The following CSF2RA variants were observed in gnomAD, a reference collection of about 807,000 sequenced individuals.
CSF2RA encodes granulocyte-macrophage colony-stimulating factor receptor subunit alpha.
CSF2RA carries 42 observed loss-of-function variants against 51.6 expected under a neutral mutation model. The ratio of observed to expected loss-of-function variants is 0.81; its 90% CI spans 0.64 to 1.05. The LOEUF is 1.05. CSF2RA is among the 50% of genes least tolerant of loss of function. CSF2RA has a pLI of 0.00. For missense variants in CSF2RA, 530 were observed against 501.1 expected (o/e 1.06, Z -0.55); for synonymous variants, 222 against 193.0 (o/e 1.15, Z -1.24).
At chrX:1,314,377 CTCTG>C (rs1477728133), downstream of CSF2RA, among the ~76,000 whole-genome samples, 8 of 148,622 alleles carry the variant, frequency 5.4e-5, no homozygotes, top group South Asian at 2.1e-4. Context: ...TGCCCAACCA[CTCTG>C]TGCCTGCCCA....
At chrX:1,318,052 G>C in the CSF2RA span, among the ~76,000 whole-genome samples, 11 of 151,332 alleles carry the variant, frequency 7.3e-5, no homozygotes, top group East Asian at 2.1e-3. Context: ...GCAGTGGAGC[G>C]ATCTCGGCTC....
At chrX:1,277,452 C>T (rs1302679574) in intron 2 of CSF2RA, among the ~76,000 whole-genome samples, 41 of 147,884 alleles carry the variant, frequency 2.8e-4, no homozygotes, top group African/African-American at 1.0e-3. Flanking sequence ...AAAAATTAGC[C>T]AGGTGTGGTG....
chrX:1,311,002 C>G (rs2084155549), downstream of CSF2RA, among the ~76,000 whole-genome samples: 3 of 151,752 alleles, frequency 2.0e-5, no homozygotes, highest in Admixed American at 2.0e-4. Context: ...AATCCTAGCA[C>G]TTTGGGAGGC....
the CSF2RA span, among the ~76,000 whole-genome samples, chrX:1,323,176 A>G: frequency 6.6e-6 from 1 of 151,790 alleles, no homozygotes; most frequent in Non-Finnish European, 1.5e-5. Context: ...AAAATAAAAT[A>G]AAATAAAATA....
chrX:1,318,791 C>A, the CSF2RA span, among the ~76,000 whole-genome samples: 2 of 149,970 alleles, frequency 1.3e-5, no homozygotes, highest in Non-Finnish European at 3.0e-5. Flanking sequence ...GTGGCGGGCA[C>A]CTGTAATCCC....
intron 2 of CSF2RA, among the ~76,000 whole-genome samples, chrX:1,278,908 C>T (rs1361937554): frequency 2.7e-5 from 4 of 149,352 alleles, no homozygotes; most frequent in Non-Finnish European, 5.9e-5. Context: ...CGTGTTGGTG[C>T]GTGCCTGTAG....
At chrX:1,285,183 G>C (rs1312914961) in intron 3 of CSF2RA, among the ~76,000 whole-genome samples, 2 of 152,112 alleles carry the variant, frequency 1.3e-5, no homozygotes, top group African/African-American at 4.8e-5. Flanking sequence ...TTAGAGGCGT[G>C]AGCCACCACC....
intron 9 of CSF2RA, among the ~76,000 whole-genome samples, chrX:1,296,881 T>A (rs2091995124): frequency 2.1e-5 from 1 of 47,224 alleles, no homozygotes; most frequent in South Asian, 1.0e-3. Flanking sequence ...AGTCCCCTAC[T>A]CACGACCCCT....
chrX:1,302,056 A>G (rs1463690763), intron 10 of CSF2RA, among the ~76,000 whole-genome samples: 2 of 151,196 alleles, frequency 1.3e-5, no homozygotes, highest in Non-Finnish European at 2.9e-5. Context: ...AGCTGGGATT[A>G]CAGGCGCCCG....
intron 2 of CSF2RA, chrX:1,281,854 T>C (rs1326459989): frequency 2.0e-5 from 3 of 147,674 alleles, no homozygotes; most frequent in Non-Finnish European, 4.5e-5. Context: ...TTTTTTTTTT[T>C]CACTTTCCTT....
downstream of CSF2RA, among the ~76,000 whole-genome samples, chrX:1,314,962 ACCCCAC>A (rs1569515153): frequency 3.7e-5 from 4 of 108,426 alleles, 1 homozygote; most frequent in African/African-American, 1.3e-4. Flanking sequence ...TGCCTGCCCA[ACCCCAC>A]TGTGCCTGCC....
intron 12 of CSF2RA, among the ~76,000 whole-genome samples, chrX:1,306,917 A>G (rs2083632054): frequency 2.0e-5 from 3 of 151,534 alleles, no homozygotes; most frequent in Admixed American, 6.6e-5. Flanking sequence ...AGTGGAAGAG[A>G]GAGACAGATG....
the CSF2RA span, among the ~76,000 whole-genome samples, chrX:1,324,408 A>AAG: frequency 9.6e-6 from 1 of 103,854 alleles, no homozygotes; most frequent in Non-Finnish European, 1.9e-5. Context: ...AAAAAGGAAA[A>AAG]GAAAGGAAAG....
intron 7 of CSF2RA, among the ~76,000 whole-genome samples, chrX:1,291,276 T>C (rs1184211091): frequency 3.2e-5 from 1 of 31,322 alleles, no homozygotes; most frequent in African/African-American, 7.9e-5. Context: ...GCCTTTCTTC[T>C]TTTTTCTTCC....
At chrX:1,306,706 A>G (rs1603436914) in intron 12 of CSF2RA, among the ~76,000 whole-genome samples, 1 of 152,064 alleles carries the variant, frequency 6.6e-6, no homozygotes, top group East Asian at 1.9e-4. Flanking sequence ...ACAGAGAGGA[A>G]CAGAGGCACA....
At chrX:1,322,854 G>C in the CSF2RA span, among the ~76,000 whole-genome samples, 23 of 152,184 alleles carry the variant, frequency 1.5e-4, no homozygotes, top group African/African-American at 5.5e-4. Context: ...GATTGGCCGG[G>C]CGCGGTGGCT....
rs1556492338 is a variant in CSF2RA, at chrX:1,276,354, G to GTTTATATA, written c.-27+1542_-27+1549dup. Among the ~76,000 whole-genome samples, 686 of 108,798 alleles carry GTTTATATA rather than the reference G, an allele frequency of 6.3e-3. 10 individuals are homozygous for GTTTATATA. Among genetic ancestry groups the GTTTATATA allele is most frequent in the African/African-American group, 0.025 (667 of 26,564 alleles). The allele number at this position is 108,798 out of a possible 152,430, so 71.4% of individuals were successfully genotyped here. A position where few individuals can be genotyped will look rare whatever the true frequency, so the allele number is the denominator to read the frequency against. ...CAGCCAGCAGCTTGGTTTTATGTTTGTTTATATATTTATTTATTTATTTAT... is the reference window on the plus strand; with the variant it reads ...CAGCCAGCAGCTTGGTTTTATGTTTGTTTATATATTTATATATTTATTTATTTATTTAT... On this transcript the variant is annotated intron_variant, in intron 2 of 12. Coordinates refer to ENST00000381529, the MANE Select transcript of CSF2RA (RefSeq NM_172245.4).
At chrX:1,304,110 AAG>A in intron 11 of CSF2RA, 91 bp downstream of exon 11, 1 of 1,167,478 alleles carries the variant, frequency 8.6e-7, no homozygotes, top group Non-Finnish European at 1.3e-6. Flanking sequence ...GTCTCTGAGA[AAG>A]AGAAACACAG....
rs1458007770 is a variant in CSF2RA at position 1,309,351 on chromosome X, C to T, written c.1126-51C>T. 6.4e-6 allele frequency: 10 copies of T among 1,558,174 alleles called. No individual in the cohort carries two copies. In the African/African-American group the frequency reaches 1.1e-4, roughly 17 times the overall value. ...AGAAAATAAACACAGCCCACTGAGTCCCAGGCTGAGCTCGTGAAGATCTGA... is the reference window on the plus strand; with the variant it reads ...AGAAAATAAACACAGCCCACTGAGTTCCAGGCTGAGCTCGTGAAGATCTGA... On this transcript the variant is annotated intron_variant, in intron 12 of 12. Transcript: ENST00000381529.
Sources: gnomAD v4.1 joint callset for allele counts (sites outside exome capture counted in the v4.1 genomes callset) on GRCh38, gnomAD v4.1.1 for gene constraint, MANE v1.5 for transcripts, NCBI Gene and HGNC (gene_info 2026-07-23, HGNC 2026-07-21) for gene names.